The following KCNJ16 variants were observed in gnomAD, a reference collection of about 807,000 sequenced individuals.
KCNJ16 encodes the protein inward rectifier potassium channel 16.
Under a neutral mutation model 18.5 loss-of-function variants are expected in KCNJ16, and 15 were observed. The ratio of observed to expected loss-of-function variants is 0.81; its 90% confidence interval spans 0.54 to 1.25. KCNJ16 has a LOEUF of 1.25. KCNJ16 is among the 50% of genes most tolerant of loss of function. KCNJ16 has a pLI of 0.00. For missense variants in KCNJ16, 523 were observed against 525.7 expected, an observed-to-expected ratio of 0.99 and a Z score of 0.05; for synonymous variants, 174 against 186.5, an observed-to-expected ratio of 0.93 and a Z score of 0.55.
chr17:70,108,730 A>T (rs1381517038), intron 2 of KCNJ16, among the ~76,000 whole-genome samples: 2 of 152,156 alleles, frequency 1.3e-5, no homozygotes, highest in East Asian at 3.9e-4. Flanking sequence ...CTAGAAAACT[A>T]TTTTTGTTGA....
chr17:70,083,233 T>C (rs868161482), intron 1 of KCNJ16, among the ~76,000 whole-genome samples: 1 of 148,608 alleles, frequency 6.7e-6, no homozygotes, highest in Non-Finnish European at 1.5e-5. Context: ...GAGATATATA[T>C]TATAATATAT....
chr17:70,115,173 A>G (rs927582032), intron 2 of KCNJ16, among the ~76,000 whole-genome samples: 6 of 152,278 alleles, frequency 3.9e-5, no homozygotes, highest in African/African-American at 1.4e-4. Context: ...TTGAGGACCA[A>G]TCAAATCAGG....
At chr17:70,095,772 G>A (rs1212843328) in intron 1 of KCNJ16, among the ~76,000 whole-genome samples, 1 of 150,896 alleles carries the variant, frequency 6.6e-6, no homozygotes, top group Non-Finnish European at 1.5e-5. Flanking sequence ...TATCAAATGT[G>A]GTACCAAAAA....
intron 2 of KCNJ16, among the ~76,000 whole-genome samples, chr17:70,126,649 G>A (rs1266254401): frequency 6.6e-6 from 1 of 152,224 alleles, no homozygotes; most frequent in Non-Finnish European, 1.5e-5. Context: ...TCCGCCTCCT[G>A]ATTCGGGCCC....
chr17:70,128,492 A>G (rs1269699587), intron 2 of KCNJ16, among the ~76,000 whole-genome samples: 1 of 152,110 alleles, frequency 6.6e-6, no homozygotes, highest in African/African-American at 2.4e-5. Context: ...GTGGGTATTT[A>G]ATAAACGTTG....
At chr17:70,117,489 T>C (rs1044636214) in intron 2 of KCNJ16, among the ~76,000 whole-genome samples, 10 of 152,156 alleles carry the variant, frequency 6.6e-5, no homozygotes, top group African/African-American at 2.2e-4. Context: ...CATACTGAAC[T>C]CCGTTATCAG....
intron 1 of KCNJ16, among the ~76,000 whole-genome samples, chr17:70,095,566 C>T (rs748356561): frequency 1.5e-4 from 23 of 152,164 alleles, no homozygotes; most frequent in Admixed American, 1.3e-4. Flanking sequence ...CACTCCTCTG[C>T]CTGCCTGTGA....
chr17:70,115,738 G>A (rs140590189), intron 2 of KCNJ16, among the ~76,000 whole-genome samples: 98 of 152,166 alleles, frequency 6.4e-4, no homozygotes, highest in African/African-American at 1.7e-3. Context: ...CTCTCCAGTG[G>A]CCAAATGTGA....
intron 2 of KCNJ16, among the ~76,000 whole-genome samples, chr17:70,129,849 C>A (rs1233836984): frequency 6.6e-6 from 1 of 152,002 alleles, no homozygotes; most frequent in Non-Finnish European, 1.5e-5. Flanking sequence ...GTTGCTGGTA[C>A]CCCTGGAATT....
intron 1 of KCNJ16, among the ~76,000 whole-genome samples, chr17:70,077,800 G>A (rs952995554): frequency 2.0e-5 from 3 of 151,432 alleles, no homozygotes; most frequent in Admixed American, 2.0e-4. Flanking sequence ...AGATGTCTAT[G>A]GGAAATGAAA....
chr17:70,121,057 T>C (rs750085637), intron 2 of KCNJ16, among the ~76,000 whole-genome samples: 20 of 152,182 alleles, frequency 1.3e-4, no homozygotes, highest in Non-Finnish European at 2.2e-4. Context: ...TGACAGTCTG[T>C]GACAAAGTTT....
At position 70,132,059 on chromosome 17, in the gene KCNJ16, C is replaced by T. The variant is rs777472975; in HGVS notation, c.-29C>T. 6.2e-7 allele frequency: 1 copy of T among 1,613,728 alleles called. No homozygotes were observed. Among genetic ancestry groups the T allele is most frequent in the South Asian group, 1.1e-5 (1 of 91,058 alleles). On this transcript the variant is annotated 5_prime_UTR_variant, in exon 4 of 4. Coordinates refer to ENST00000392671, the MANE Select transcript of KCNJ16 (RefSeq NM_170741.4). Reference sequence around the variant, plus strand: ...CTAGAATTCTTACTACTACAAAACTCACCTGGATCCCTAAGGGCACAGCAA... The same window carrying T: ...CTAGAATTCTTACTACTACAAAACTTACCTGGATCCCTAAGGGCACAGCAA...
At chr17:70,081,310 C>T (rs1021452832) in intron 1 of KCNJ16, among the ~76,000 whole-genome samples, 3 of 152,056 alleles carry the variant, frequency 2.0e-5, no homozygotes, top group Admixed American at 2.0e-4. Flanking sequence ...TAAATTTAGG[C>T]TTTATGGGAA....
intron 1 of KCNJ16, 124 bp from the exon 2 acceptor site, chr17:70,100,534 A>G (rs1484333051): frequency 6.6e-6 from 1 of 152,164 alleles, no homozygotes; most frequent in Non-Finnish European, 1.5e-5. Context: ...TATTCTCCCA[A>G]TCAGACTTAA....
intron 1 of KCNJ16, among the ~76,000 whole-genome samples, chr17:70,094,903 T>C (rs1401480226): frequency 6.6e-6 from 1 of 152,136 alleles, no homozygotes; most frequent in Non-Finnish European, 1.5e-5. Flanking sequence ...CCACAGAAAA[T>C]CATCACCAGT....
intron 2 of KCNJ16, among the ~76,000 whole-genome samples, chr17:70,108,054 C>T (rs1335531051): frequency 6.6e-6 from 1 of 152,074 alleles, no homozygotes; most frequent in Non-Finnish European, 1.5e-5. Context: ...AATTCATAAG[C>T]AGATTCTAGC....
intron 1 of KCNJ16, among the ~76,000 whole-genome samples, chr17:70,087,944 AG>A (rs1405947095): frequency 2.3e-5 from 3 of 133,204 alleles, no homozygotes; most frequent in Non-Finnish European, 3.1e-5. Context: ...TGAACCTGGG[AG>A]GTGGAGTTTG....
chr17:70,132,116 T>C lies in KCNJ16; in HGVS notation c.29T>C (p.Ile10Thr). The stretch of plus-strand genomic sequence containing the variant: ...AGCTATTACGGCAGCAGCTATCATA[T>C]TATCAATGCGGACGCAAAATACCCA... MSYYGSSYH[I>T]INADAKYPGY... Residue 10 changes from isoleucine (I) to threonine (T), a missense_variant, in exon 4 of 4, where the codon ATT becomes ACT. By Grantham distance (89) the Ile-to-Thr change is moderately conservative (BLOSUM62 -1). Transcript: ENST00000392671. 6.2e-7 allele frequency: 1 copy of C among 1,614,234 alleles called. No homozygotes were observed. Among genetic ancestry groups the C allele is most frequent in the Non-Finnish European group, 8.5e-7 (1 of 1,180,042 alleles).
chr17:70,079,618 A>G (rs181188676), intron 1 of KCNJ16, among the ~76,000 whole-genome samples: 35 of 152,374 alleles, frequency 2.3e-4, no homozygotes, highest in Admixed American at 2.3e-3. Flanking sequence ...TATAAATATT[A>G]AATTTCATAA....
Sources: gnomAD v4.1 joint callset for allele counts (sites outside exome capture counted in the v4.1 genomes callset) on GRCh38, gnomAD v4.1.1 for gene constraint, MANE v1.5 for transcripts, NCBI Gene and HGNC (gene_info 2026-07-23, HGNC 2026-07-21) for gene names.